The following ADAMTS2 variants were observed in gnomAD, a reference collection of about 807,000 sequenced individuals.
ADAMTS2 encodes A disintegrin and metalloproteinase with thrombospondin motifs 2.
Under a neutral mutation model 123.0 loss-of-function variants are expected in ADAMTS2, and 50 were observed. The observed-to-expected ratio is 0.41, with a 90% CI of 0.32 to 0.51. ADAMTS2 has a LOEUF of 0.51. Ranked by LOEUF, ADAMTS2 falls within the 20% of genes least tolerant of loss-of-function variation. The probability of loss-of-function intolerance (pLI) is 0.35; values close to 1 mark genes in which losing one functional copy is unlikely to be tolerated. For missense variants in ADAMTS2, 1,494 were observed against 1,705.2 expected, an observed-to-expected ratio of 0.88 and a Z score of 2.18; for synonymous variants, 678 against 695.4, an observed-to-expected ratio of 0.98 and a Z score of 0.39.
chr5:179,294,973 T>C (rs900502861), intron 2 of ADAMTS2, among the ~76,000 whole-genome samples: 15 of 152,310 alleles, frequency 9.8e-5, no homozygotes, highest in Middle Eastern at 6.8e-3. Context: ...TCTCAACTAC[T>C]GCCTCTAGGC....
At position 179,285,695 on chromosome 5, in the gene ADAMTS2, C is replaced by T. The variant is rs912560353; in HGVS notation, c.535-12631G>A. ...GTCTCGTTCAGCATGAAGCCCACGTCGGGGAACGTCCCCAGTCACAAATTA... is the reference window on the plus strand; with the variant it reads ...GTCTCGTTCAGCATGAAGCCCACGTTGGGGAACGTCCCCAGTCACAAATTA... On this transcript the variant is annotated intron_variant, in intron 2 of 21. Coordinates refer to ENST00000251582, the MANE Select transcript of ADAMTS2 (RefSeq NM_014244.5). The surrounding 1 kb of genome is among the most constrained non-coding windows in gnomAD (Gnocchi z 4.9). Among the ~76,000 whole-genome samples, 4 of 152,234 alleles carry T rather than the reference C, an allele frequency of 2.6e-5. No individual in the cohort carries two copies. Among genetic ancestry groups the T allele is most frequent in the Non-Finnish European group, 4.4e-5 (3 of 68,050 alleles).
At chr5:179,222,997 G>A (rs915805530) in intron 3 of ADAMTS2, among the ~76,000 whole-genome samples, 1 of 152,184 alleles carries the variant, frequency 6.6e-6, no homozygotes, top group Non-Finnish European at 1.5e-5. Context: ...GTTTGCAACA[G>A]TTCCTACCTG....
At chr5:179,221,290 C>T (rs187046674) in intron 3 of ADAMTS2, among the ~76,000 whole-genome samples, 46 of 152,298 alleles carry the variant, frequency 3.0e-4, no homozygotes, top group Middle Eastern at 6.8e-3. Flanking sequence ...CCTGCGTGAC[C>T]CCAGCATCTG....
At chr5:179,227,908 C>G (rs1394884646) in intron 3 of ADAMTS2, among the ~76,000 whole-genome samples, 1 of 152,010 alleles carries the variant, frequency 6.6e-6, no homozygotes, top group Non-Finnish European at 1.5e-5. Flanking sequence ...GGGGAGGCAG[C>G]GTGTGGACAA....
At chr5:179,194,985 G>T (rs1424553526) in intron 4 of ADAMTS2, among the ~76,000 whole-genome samples, 1 of 152,218 alleles carries the variant, frequency 6.6e-6, no homozygotes, top group Non-Finnish European at 1.5e-5. Context: ...GATTCACGAT[G>T]CGGCCAGGCC....
rs563372853 is a variant in ADAMTS2, at chr5:179,130,313, C to T, written c.2291-215G>A. Among the ~76,000 whole-genome samples the T allele has an allele frequency of 2.6e-5, 4 of 152,274 alleles. No individual in the cohort carries two copies. The highest frequency in any genetic ancestry group is 2.1e-4 in the South Asian group (1 of 4,826). On this transcript the variant is annotated intron_variant, in intron 15 of 21. Transcript: ENST00000251582. This position sits in a 1 kb window ranked among gnomAD's most constrained non-coding sequence, Gnocchi z 4.3. ...CCTCGGGACCAGATTACCCTCCACTCGCATCCTCTGCCCCCACCAGCCCTG... is the reference window on the plus strand; with the variant it reads ...CCTCGGGACCAGATTACCCTCCACTTGCATCCTCTGCCCCCACCAGCCCTG...
intron 17 of ADAMTS2, among the ~76,000 whole-genome samples, chr5:179,126,355 T>C (rs1049753904): frequency 4.6e-5 from 7 of 152,136 alleles, no homozygotes; most frequent in Non-Finnish European, 1.0e-4. Context: ...TCCCCTAGGC[T>C]GCCTCTCCCT....
At chr5:179,124,742 C>T (rs1035021895) in intron 19 of ADAMTS2, among the ~76,000 whole-genome samples, 2 of 152,222 alleles carry the variant, frequency 1.3e-5, no homozygotes, top group East Asian at 1.9e-4. Context: ...GCTGAGGACA[C>T]GGGATCAGGG....
At chr5:179,318,508 C>T (rs1757065654) in intron 2 of ADAMTS2, among the ~76,000 whole-genome samples, 1 of 152,206 alleles carries the variant, frequency 6.6e-6, no homozygotes, top group Admixed American at 6.5e-5. Context: ...GCTTCTAGCC[C>T]TCTCACAAGA....
chr5:179,237,681 G>A (rs1030858887), intron 3 of ADAMTS2, among the ~76,000 whole-genome samples: 3 of 152,156 alleles, frequency 2.0e-5, no homozygotes, highest in Admixed American at 1.3e-4. Context: ...TAATGAGGAC[G>A]GAATTAAAGG....
intron 2 of ADAMTS2, among the ~76,000 whole-genome samples, chr5:179,281,895 C>T (rs1260713091): frequency 1.3e-5 from 2 of 152,190 alleles, no homozygotes; most frequent in African/African-American, 4.8e-5. Flanking sequence ...ATTTCCCTGA[C>T]AACTAATGAT....
At position 179,272,859 on chromosome 5, in the gene ADAMTS2, C is replaced by T; in HGVS notation, c.688+52G>A. ...AGTCTCTGGGATGCTCCCCTGGGGA[C>T]CAGGGCCTCAGAGGGCTCTCCACAC... is the stretch of plus-strand genomic sequence containing the variant. On this transcript the variant is annotated intron_variant, in intron 3 of 21. Transcript: ENST00000251582. The surrounding 1 kb of genome is among the most constrained non-coding windows in gnomAD (Gnocchi z 5.8). 1 of 1,588,320 alleles carries T rather than the reference C, an allele frequency of 6.3e-7. No individual in the cohort carries two copies. The highest frequency in any genetic ancestry group is 8.5e-7 in the Non-Finnish European group (1 of 1,171,942).
chr5:179,126,553 G>A (rs1762862383), intron 17 of ADAMTS2, among the ~76,000 whole-genome samples: 1 of 152,236 alleles, frequency 6.6e-6, no homozygotes, highest in African/African-American at 2.4e-5. Flanking sequence ...ATTTTCTCCA[G>A]CAGGGGACAT....
intron 6 of ADAMTS2, among the ~76,000 whole-genome samples, chr5:179,156,961 CT>C (rs70997667): frequency 0.027 from 2,878 of 108,338 alleles, 50 homozygotes; most frequent in African/African-American, 0.092. Context: ...TTCATTTTTT[CT>C]TTTTTTTTTT....
At chr5:179,168,785 G>A (rs1002256790) in intron 5 of ADAMTS2, among the ~76,000 whole-genome samples, 1 of 152,172 alleles carries the variant, frequency 6.6e-6, no homozygotes, top group Non-Finnish European at 1.5e-5. Context: ...CCCCAGCTGA[G>A]TGCAAAGTGG....
At chr5:179,259,687 C>A (rs891944000) in intron 3 of ADAMTS2, among the ~76,000 whole-genome samples, 3 of 152,226 alleles carry the variant, frequency 2.0e-5, no homozygotes, top group African/African-American at 7.2e-5. Context: ...ATGGACAGGG[C>A]CATCTTCCTC....
chr5:179,156,096 A>G (rs1763464169), intron 6 of ADAMTS2, among the ~76,000 whole-genome samples: 1 of 152,128 alleles, frequency 6.6e-6, no homozygotes, highest in African/African-American at 2.4e-5. Context: ...CCAGGCTTGC[A>G]GATGCATCTG....
intron 4 of ADAMTS2, among the ~76,000 whole-genome samples, chr5:179,204,005 G>A (rs754671061): frequency 2.5e-4 from 38 of 152,188 alleles, no homozygotes; most frequent in Non-Finnish European, 4.7e-4. Flanking sequence ...ACGGGATACT[G>A]GTCCTCCCTG....
At chr5:179,145,517 T>G (rs796360813) in intron 10 of ADAMTS2, among the ~76,000 whole-genome samples, 7 of 152,172 alleles carry the variant, frequency 4.6e-5, no homozygotes, top group African/African-American at 1.7e-4. Context: ...GGATTAGTAT[T>G]CAGCAACAGG....
Sources: allele counts gnomAD v4.1 joint callset (sites outside exome capture counted in the v4.1 genomes callset), GRCh38; gene constraint gnomAD v4.1.1; non-coding constraint Gnocchi (gnomAD v3.1); transcripts MANE v1.5; gene names NCBI Gene and HGNC (gene_info 2026-07-23, HGNC 2026-07-21).